TNR: variants seen among roughly 807,000 people sequenced by gnomAD.
The protein encoded by TNR is tenascin R.
Under a neutral mutation model 150.4 loss-of-function variants are expected in TNR, and 45 were observed. That is an observed-to-expected ratio of 0.30 (90% CI 0.24 to 0.38). The LOEUF (loss-of-function observed/expected upper bound fraction) is 0.38. Among genes scored for constraint, TNR ranks in the 10% least tolerant of loss-of-function variants. The probability of loss-of-function intolerance (pLI) is 1.00; values close to 1 mark genes in which losing one functional copy is unlikely to be tolerated. For missense variants in TNR, 1,544 were observed against 1,759.1 expected (o/e 0.88, Z 2.19); for synonymous variants, 687 against 678.4 (o/e 1.01, Z -0.20).
chr1:175,565,304 G>A (rs1661597293), intron 1 of TNR, among the ~76,000 whole-genome samples: 1 of 152,176 alleles, frequency 6.6e-6, no homozygotes, highest in South Asian at 2.1e-4. Context: ...ATCCCCACCA[G>A]AGGTGACATC....
intron 1 of TNR, among the ~76,000 whole-genome samples, chr1:175,648,643 T>C (rs1187302389): frequency 6.6e-6 from 1 of 152,196 alleles, no homozygotes; most frequent in African/African-American, 2.4e-5. Context: ...TTTCCTTCCC[T>C]GTCCAGAAGC....
intron 1 of TNR, among the ~76,000 whole-genome samples, chr1:175,648,438 C>A (rs1664865586): frequency 6.6e-6 from 1 of 152,118 alleles, no homozygotes; most frequent in Non-Finnish European, 1.5e-5. Flanking sequence ...AAAAGGGCAA[C>A]CAACCAAGGC....
chr1:175,324,561 TGCTTTATCA>T lies in TNR; in HGVS notation c.3794-51_3794-43del, dbSNP rs759764068. 11 of 1,599,146 alleles carry T rather than the reference TGCTTTATCA, an allele frequency of 6.9e-6. No homozygotes were observed. The African/African-American group carries it at 1.3e-4, about 19-fold the overall frequency. ...TTCATTAGGCTGTCCCATTTGTCACTGCTTTATCAGGATTTTCTGGACACTTGACCCACT... is the reference window on the plus strand; with the variant it reads ...TTCATTAGGCTGTCCCATTTGTCACTGGATTTTCTGGACACTTGACCCACT... On this transcript the variant is annotated intron_variant, in intron 21 of 22. Coordinates refer to ENST00000367674, the MANE Select transcript of TNR (RefSeq NM_003285.3).
intron 2 of TNR, among the ~76,000 whole-genome samples, chr1:175,426,676 C>G (rs1654981035): frequency 6.6e-6 from 1 of 151,224 alleles, no homozygotes; most frequent in Admixed American, 6.6e-5. Context: ...CTCTATTGAC[C>G]ATAAAGATAC....
intron 2 of TNR, among the ~76,000 whole-genome samples, chr1:175,494,678 G>A (rs983747845): frequency 6.6e-6 from 1 of 152,114 alleles, no homozygotes; most frequent in Non-Finnish European, 1.5e-5. Flanking sequence ...AAGCCCGGTG[G>A]CTCCTTAAAA....
At chr1:175,587,166 G>T (rs1205361905) in intron 1 of TNR, among the ~76,000 whole-genome samples, 2 of 152,198 alleles carry the variant, frequency 1.3e-5, no homozygotes, top group East Asian at 3.8e-4. Flanking sequence ...CCATGTCCCA[G>T]TGCAGCTTGG....
At chr1:175,461,361 T>C (rs1023249446) in intron 2 of TNR, among the ~76,000 whole-genome samples, 1 of 152,186 alleles carries the variant, frequency 6.6e-6, no homozygotes, top group African/African-American at 2.4e-5. Flanking sequence ...ACAAAATGTT[T>C]TACCTCCCCT....
At chr1:175,491,506 T>A (rs149698606) in intron 2 of TNR, among the ~76,000 whole-genome samples, 146 of 152,310 alleles carry the variant, frequency 9.6e-4, no homozygotes, top group South Asian at 1.5e-3. Context: ...GATGATTTAG[T>A]CATTTTTACA....
chr1:175,331,069 C>CTTTCTT (rs1649812196), intron 20 of TNR, among the ~76,000 whole-genome samples: 1 of 127,568 alleles, frequency 7.8e-6, no homozygotes, highest in African/African-American at 3.1e-5. Context: ...TTCTTTCTTT[C>CTTTCTT]TTTCTTTCCT....
At chr1:175,491,460 T>A (rs1658243581) in intron 2 of TNR, among the ~76,000 whole-genome samples, 1 of 149,426 alleles carries the variant, frequency 6.7e-6, no homozygotes, top group Non-Finnish European at 1.5e-5. Flanking sequence ...ACCTCCTGAC[T>A]TCTTTACCTG....
chr1:175,531,155 T>C (rs948163052), intron 1 of TNR, among the ~76,000 whole-genome samples: 3 of 152,232 alleles, frequency 2.0e-5, no homozygotes, highest in Non-Finnish European at 2.9e-5. Context: ...GGTTTCCAAC[T>C]GTTGGCTGAG....
At chr1:175,407,981 G>A (rs375434802) in intron 2 of TNR, among the ~76,000 whole-genome samples, 1 of 152,176 alleles carries the variant, frequency 6.6e-6, no homozygotes, top group South Asian at 2.1e-4. Context: ...AGAAAATTTT[G>A]CTAGGGTCAG....
chr1:175,609,359 C>A (rs547915788), intron 1 of TNR, among the ~76,000 whole-genome samples: 1 of 152,144 alleles, frequency 6.6e-6, no homozygotes, highest in Non-Finnish European at 1.5e-5. Context: ...GGAGCAGGGA[C>A]TGAAGATAAA....
At chr1:175,484,734 G>A (rs147773065) in intron 2 of TNR, among the ~76,000 whole-genome samples, 53 of 152,286 alleles carry the variant, frequency 3.5e-4, no homozygotes, top group African/African-American at 1.3e-3. Context: ...TAATGGTACT[G>A]ATGCTATTTC....
chr1:175,624,473 G>C (rs1664081759), intron 1 of TNR, among the ~76,000 whole-genome samples: 1 of 152,258 alleles, frequency 6.6e-6, no homozygotes, highest in South Asian at 2.1e-4. Flanking sequence ...CAGATACAGA[G>C]ACATACATGG....
At chr1:175,626,434 C>A (rs1040142300) in intron 1 of TNR, among the ~76,000 whole-genome samples, 1 of 152,162 alleles carries the variant, frequency 6.6e-6, no homozygotes, top group Non-Finnish European at 1.5e-5. Flanking sequence ...GAGCTGCTAT[C>A]CTCTCTCTTC....
chr1:175,429,819 A>G (rs992754187), intron 2 of TNR, among the ~76,000 whole-genome samples: 1 of 152,150 alleles, frequency 6.6e-6, no homozygotes, highest in Non-Finnish European at 1.5e-5. Flanking sequence ...TTGTAGTCTC[A>G]TCACCAAGAA....
At chr1:175,454,219 G>A (rs1656455885) in intron 2 of TNR, among the ~76,000 whole-genome samples, 1 of 152,184 alleles carries the variant, frequency 6.6e-6, no homozygotes, top group Non-Finnish European at 1.5e-5. Flanking sequence ...TTGCCACAGT[G>A]TGTGAAATTC....
In TNR at chr1:175,578,561, G is replaced by A. The variant is rs150596352; in HGVS notation, c.-164-50192C>T. Among the ~76,000 whole-genome samples, 22 of 152,266 alleles carry A rather than the reference G, an allele frequency of 1.4e-4. No homozygotes were observed. The East Asian group carries it at 4.2e-3, about 29-fold the overall frequency. ...TTACCTAGATCGATGCAGGAACAGT[G>A]GGGAGAGAGATGAATGAGAGAAGGG... On this transcript the variant is annotated intron_variant, in intron 1 of 22. Transcript: ENST00000367674.
Sources: allele counts gnomAD v4.1 joint callset (sites outside exome capture counted in the v4.1 genomes callset), GRCh38; gene constraint gnomAD v4.1.1; transcripts MANE v1.5; gene names NCBI Gene and HGNC (gene_info 2026-07-23, HGNC 2026-07-21).